The following ATG16L1 variants were observed in gnomAD, a reference collection of about 807,000 sequenced individuals.
ATG16L1 encodes autophagy-related protein 16-1.
Under a neutral mutation model 88.5 loss-of-function variants are expected in ATG16L1, and 37 were observed. The observed-to-expected ratio is 0.42, with a 90% CI of 0.32 to 0.55. The LOEUF is 0.55. ATG16L1 is among the 20% of genes least tolerant of loss of function. The pLI is 0.13. For synonymous variants in ATG16L1, 301 were observed against 281.0 expected, an observed-to-expected ratio of 1.07 and a Z score of -0.71; for missense variants, 554 against 752.8, an observed-to-expected ratio of 0.74 and a Z score of 3.09.
At chr2:233,277,515 T>G in intron 9 of ATG16L1, 53 bp from the exon 10 acceptor site, 1,909 of 1,510,554 alleles carry the variant, frequency 1.3e-3, no homozygotes, top group Non-Finnish European at 1.6e-3. Flanking sequence ...TCGCGCATCT[T>G]GAGCTCTTGG....
intron 16 of ATG16L1, 105 bp from the exon 17 acceptor site, chr2:233,293,150 TG>T: frequency 2.1e-6 from 2 of 930,474 alleles, no homozygotes; most frequent in Non-Finnish European, 3.5e-6. Context: ...TACACAGGAG[TG>T]GTCATCAGTG....
At chr2:233,257,682 T>C (rs765163697) in intron 2 of ATG16L1, among the ~76,000 whole-genome samples, 3 of 152,184 alleles carry the variant, frequency 2.0e-5, no homozygotes, top group Non-Finnish European at 4.4e-5. Flanking sequence ...TGCAGTAAGC[T>C]CTTATTTTTC....
At chr2:233,261,104 C>T (rs575491236) in intron 2 of ATG16L1, among the ~76,000 whole-genome samples, 7 of 152,154 alleles carry the variant, frequency 4.6e-5, no homozygotes, top group East Asian at 3.9e-4. Context: ...TACAGGTGCC[C>T]GCCACCACGC....
intron 10 of ATG16L1, among the ~76,000 whole-genome samples, chr2:233,279,635 T>C (rs1361815263): frequency 6.6e-6 from 1 of 152,178 alleles, no homozygotes; most frequent in Non-Finnish European, 1.5e-5. Context: ...TGTTTTTTCA[T>C]CCTTTTAGAT....
chr2:233,262,856 G>A (rs1697313142), intron 2 of ATG16L1, among the ~76,000 whole-genome samples: 1 of 152,188 alleles, frequency 6.6e-6, no homozygotes, highest in South Asian at 2.1e-4. Context: ...GTTGGTGCCT[G>A]TTACTGGGAC....
In ATG16L1 at chr2:233,289,402, T is replaced by TGA. The variant is rs1484980459; in HGVS notation, c.1204-451_1204-450insAG. ...ATGTGTGTGTGTGTGTGTGTGTGTGTGTGTGTGACAGGATCTTGCTATCAC... is the reference window on the plus strand; with the variant it reads ...ATGTGTGTGTGTGTGTGTGTGTGTGTGAGTGTGTGACAGGATCTTGCTATCAC... On this transcript the variant is annotated intron_variant, in intron 12 of 17. Coordinates refer to ENST00000392017, the MANE Select transcript of ATG16L1 (RefSeq NM_030803.7). Among the ~76,000 whole-genome samples the TGA allele has an allele frequency of 6.8e-4, 91 of 134,236 alleles. No individual in the cohort carries two copies. In the South Asian group the frequency reaches 0.013, roughly 19 times the overall value. The allele number at this position is 134,236 out of a possible 152,430, so 88.1% of individuals were successfully genotyped here. A position where few individuals can be genotyped will look rare whatever the true frequency, so the allele number is the denominator to read the frequency against.
chr2:233,286,674 G>A (rs1327767797), intron 12 of ATG16L1, among the ~76,000 whole-genome samples: 1 of 139,200 alleles, frequency 7.2e-6, no homozygotes, highest in Non-Finnish European at 1.5e-5. Flanking sequence ...CACCCAGGCT[G>A]GAGTGCAGTG....
chr2:233,260,344 A>C (rs1378014761), intron 2 of ATG16L1, among the ~76,000 whole-genome samples: 4 of 152,108 alleles, frequency 2.6e-5, no homozygotes, highest in Non-Finnish European at 4.4e-5. Context: ...CCTCAGACCT[A>C]CTCTATTAGA....
intron 1 of ATG16L1, 130 bp from the exon 2 acceptor site, chr2:233,255,972 C>G (rs1248479312): frequency 1.2e-5 from 8 of 683,756 alleles, no homozygotes; most frequent in Non-Finnish European, 2.0e-5. Context: ...GCAGGTGATT[C>G]TGTAGGTTAC....
At chr2:233,294,135 G>C in intron 17 of ATG16L1, 122 bp from the exon 18 acceptor site, 1 of 709,168 alleles carries the variant, frequency 1.4e-6, no homozygotes, top group East Asian at 2.9e-5. Context: ...CAGTGCCAGA[G>C]AGTAAAATGG....
rs1291174068 is a variant in ATG16L1 at position 233,251,799 on chromosome 2, G to A, written c.-29G>A. ...GCCGTCAGCCCTCGCTCGCATTGGT[G>A]GCGCTGAGGTGCCGGGGCAGCAAGT... On this transcript the variant is annotated 5_prime_UTR_variant, in exon 1 of 18. The change creates a premature stop within an existing upstream ORF in the 5' untranslated region. Coordinates refer to ENST00000392017, the MANE Select transcript of ATG16L1 (RefSeq NM_030803.7). The A allele has an allele frequency of 1.3e-6, 2 of 1,542,752 alleles. No individual in the cohort carries two copies. The highest frequency in any genetic ancestry group is 4.9e-5 in the East Asian group (2 of 40,880).
At position 233,271,824 on chromosome 2, in the gene ATG16L1, T is replaced by C. The variant is rs1698019092; in HGVS notation, c.708-1142T>C. Among the ~76,000 whole-genome samples the C allele has an allele frequency of 2.6e-5, 4 of 152,342 alleles. No homozygotes were observed. The South Asian group carries it at 8.3e-4, about 32-fold the overall frequency. ...TTCCTTGTATGGGCACAGGTGACTCTCGCAAACCTAGATCCCTGGGAAAGC... is the reference window on the plus strand; with the variant it reads ...TTCCTTGTATGGGCACAGGTGACTCCCGCAAACCTAGATCCCTGGGAAAGC... On this transcript the variant is annotated intron_variant, in intron 6 of 17. Coordinates refer to ENST00000392017, the MANE Select transcript of ATG16L1 (RefSeq NM_030803.7).
chr2:233,259,526 A>G (rs2125210000), intron 2 of ATG16L1, among the ~76,000 whole-genome samples: 1 of 152,300 alleles, frequency 6.6e-6, no homozygotes, highest in East Asian at 1.9e-4. Context: ...GAGTTTAGTT[A>G]TGTGTTGTTT....
At chr2:233,283,605 C>T (rs4663396) in intron 12 of ATG16L1, among the ~76,000 whole-genome samples, 39,029 of 150,540 alleles carry the variant, frequency 0.26, 5,678 homozygotes, top group African/African-American at 0.4. Flanking sequence ...GTGTGGGGTA[C>T]AGTAGTGTGA....
intron 5 of ATG16L1, among the ~76,000 whole-genome samples, chr2:233,266,491 A>T (rs1003663073): frequency 5.9e-5 from 9 of 152,234 alleles, no homozygotes; most frequent in African/African-American, 2.2e-4. Context: ...AGATTAGAAC[A>T]TACATATTTT....
At chr2:233,288,789 G>T (rs760882472) in intron 12 of ATG16L1, 55 of 519,108 alleles carry the variant, frequency 1.1e-4, no homozygotes, top group African/African-American at 1.0e-3. Flanking sequence ...GGGCAGAAGG[G>T]CAGCTGACAC....
At chr2:233,282,643 T>C in intron 11 of ATG16L1, 39 bp from the exon 12 acceptor site, 1 of 1,560,688 alleles carries the variant, frequency 6.4e-7, no homozygotes. Flanking sequence ...TTCCTCTGAT[T>C]TGGCTAAAAA....
At chr2:233,262,115 T>A (rs1172543237) in intron 2 of ATG16L1, among the ~76,000 whole-genome samples, 1 of 152,204 alleles carries the variant, frequency 6.6e-6, no homozygotes, top group Non-Finnish European at 1.5e-5. Context: ...TTCTACCAGT[T>A]GCTCAGGCCA....
At position 233,260,984 on chromosome 2, in the gene ATG16L1, G is replaced by GT. The variant is rs572016771; in HGVS notation, c.210-2144dup. 7.1e-4 allele frequency among the ~76,000 whole-genome samples: 108 copies of GT among 151,752 alleles called. 1 individual carries two copies. The highest frequency in any genetic ancestry group is 2.5e-3 in the African/African-American group (103 of 41,380). ...TTGTTTTGTTTTGCTTTGTTTTTTT[G>GT]TTGCTCTGTCGCCCAGGCTGGAGGG... On this transcript the variant is annotated intron_variant, in intron 2 of 17. Coordinates refer to ENST00000392017, the MANE Select transcript of ATG16L1 (RefSeq NM_030803.7).
Sources: allele counts gnomAD v4.1 joint callset (sites outside exome capture counted in the v4.1 genomes callset), GRCh38; gene constraint gnomAD v4.1.1; transcripts MANE v1.5; gene names NCBI Gene and HGNC (gene_info 2026-07-23, HGNC 2026-07-21).